RFX2: variants seen among roughly 807,000 people sequenced by gnomAD.
The protein encoded by RFX2 is regulatory factor X2.
A neutral mutation model predicts 87.8 loss-of-function variants in RFX2; 20 were observed. The observed-to-expected ratio is 0.23, with a 90% CI of 0.16 to 0.33. The LOEUF (loss-of-function observed/expected upper bound fraction) is 0.33, where lower values mean the gene tolerates loss of function less well. RFX2 is among the 10% of genes least tolerant of loss of function. RFX2 has a pLI of 1.00. For synonymous variants in RFX2, 397 were observed against 431.3 expected (o/e 0.92, Z 0.98); for missense variants, 767 against 1,012.3 (o/e 0.76, Z 3.29).
chr19:6,042,594 A>T (rs1296067187), intron 3 of RFX2, among the ~76,000 whole-genome samples: 1 of 152,078 alleles, frequency 6.6e-6, no homozygotes, highest in Non-Finnish European at 1.5e-5. Context: ...GGCTGAGCAG[A>T]TTAGACTCTA....
At position 5,998,908 on chromosome 19, in the gene RFX2, A is replaced by G. The variant is rs2086454701; in HGVS notation, c.1860-1695T>C. ...ACCATTTTCTAGTGGGTGCTACAGA[A>G]ATAAATCCCGTAAACCTAATTTTTA... On this transcript the variant is annotated intron_variant, in intron 15 of 17. Transcript: ENST00000303657. The surrounding 1 kb of genome is among the most constrained non-coding windows in gnomAD (Gnocchi z 4.2). Among the ~76,000 whole-genome samples, 1 of 152,206 alleles carries G rather than the reference A, an allele frequency of 6.6e-6. No individual in the cohort carries two copies. The highest frequency in any genetic ancestry group is 1.9e-4 in the East Asian group (1 of 5,200).
chr19:6,096,767 T>C (rs1422638358), intron 1 of RFX2, among the ~76,000 whole-genome samples: 1 of 152,226 alleles, frequency 6.6e-6, no homozygotes, highest in Non-Finnish European at 1.5e-5. Context: ...AATTTAATCA[T>C]GTTGCATTAA....
At position 5,998,110 on chromosome 19, in the gene RFX2, C is replaced by A. The variant is rs1311399354; in HGVS notation, c.1860-897G>T. Among the ~76,000 whole-genome samples, 1 of 152,124 alleles carries A rather than the reference C, an allele frequency of 6.6e-6. No homozygotes were observed. Among genetic ancestry groups the A allele is most frequent in the Admixed American group, 6.5e-5 (1 of 15,272 alleles). On this transcript the variant is annotated intron_variant, in intron 15 of 17. Coordinates refer to ENST00000303657, the MANE Select transcript of RFX2 (RefSeq NM_000635.4). The surrounding 1 kb of genome is among the most constrained non-coding windows in gnomAD (Gnocchi z 4.2). ...ATCACTTGGGGTCAGGAGTTCTAGA[C>A]CAGCCTGGCCAACATGGTGAAACGC...
rs1345820270 is a variant in RFX2 at position 6,027,363 on chromosome 19, G to A, written c.523-1126C>T. The A allele has an allele frequency of 6.6e-6, 1 of 152,250 alleles. No homozygotes were observed. The highest frequency in any genetic ancestry group is 1.5e-5 in the Non-Finnish European group (1 of 68,078). The allele number at this position is 152,250 out of a possible 1,614,324, so 9.4% of individuals were successfully genotyped here. ...TAAGAAGTGCAGAAGGTACACTGGA[G>A]GACCAGGGGAAAGTAGGATGGTGAG... On this transcript the variant is annotated intron_variant, in intron 5 of 17. Transcript: ENST00000303657. This position sits in a 1 kb window ranked among gnomAD's most constrained non-coding sequence, Gnocchi z 5.0.
In RFX2 at chr19:6,008,152, A is replaced by C; in HGVS notation, c.1088T>G (p.Leu363Arg). 1 of 1,556,210 alleles carries C rather than the reference A, an allele frequency of 6.4e-7. No homozygotes were observed. Among genetic ancestry groups the C allele is most frequent in the Non-Finnish European group, 8.7e-7 (1 of 1,148,656 alleles). The change falls in exon 10 of 18, where the codon CTG becomes CGG. Residue 363 changes from leucine (L) to arginine (R), a missense_variant. Transcript: ENST00000303657. ...CAGCTGCAGGGCCTTGACGTCGTGC[A>C]GTGTGACGCCGTCCTGCAGCAGGAA... ...GSFLLQDGVTLHDVKALQLVY... is the reference protein window; with the variant it reads ...GSFLLQDGVTRHDVKALQLVY...
intron 1 of RFX2, among the ~76,000 whole-genome samples, chr19:6,084,028 C>T (rs2087821247): frequency 6.6e-6 from 1 of 152,120 alleles, no homozygotes; most frequent in Admixed American, 6.6e-5. Flanking sequence ...GAATTCTCGG[C>T]AGAGAAGACC....
intron 1 of RFX2, among the ~76,000 whole-genome samples, chr19:6,080,685 G>A (rs369055079): frequency 2.8e-4 from 43 of 152,110 alleles, no homozygotes; most frequent in African/African-American, 1.0e-3. Flanking sequence ...AGGAATAGCT[G>A]TGCAAAGGTC....
At chr19:6,071,799 TAGAA>T (rs2087610379) in intron 1 of RFX2, among the ~76,000 whole-genome samples, 1 of 152,262 alleles carries the variant, frequency 6.6e-6, no homozygotes, top group African/African-American at 2.4e-5. Flanking sequence ...AATTCTGTTT[TAGAA>T]AGGCAATTTA....
At chr19:6,015,375 G>A (rs988031367) in intron 7 of RFX2, among the ~76,000 whole-genome samples, 1 of 151,974 alleles carries the variant, frequency 6.6e-6, no homozygotes, top group Admixed American at 6.5e-5. Context: ...GCTGCAGTGA[G>A]CCGAGATGAC....
chr19:6,006,460 A>ATTTT (rs35404707), intron 12 of RFX2, among the ~76,000 whole-genome samples: 4 of 108,552 alleles, frequency 3.7e-5, no homozygotes, highest in East Asian at 2.5e-4. Flanking sequence ...TGCCCAGCTC[A>ATTTT]TTTTTTTTTT....
At position 6,001,692 on chromosome 19, in the gene RFX2, C is replaced by G. The variant is rs1387104705; in HGVS notation, c.1859+123G>C. 2.4e-6 allele frequency: 2 copies of G among 825,026 alleles called. No individual in the cohort carries two copies. The highest frequency in any genetic ancestry group is 3.7e-6 in the Non-Finnish European group (2 of 546,426). The allele number at this position is 825,026 out of a possible 1,614,324, so 51.1% of individuals were successfully genotyped here. ...TAGTTGTTTTTTGCGGGTTCAGACA[C>G]TGCTGCAACTCTGCTGAGCCCTGTT... is the stretch of plus-strand genomic sequence containing the variant. On this transcript the variant is annotated intron_variant, in intron 15 of 17. Coordinates refer to ENST00000303657, the MANE Select transcript of RFX2 (RefSeq NM_000635.4). The surrounding 1 kb of genome is among the most constrained non-coding windows in gnomAD (Gnocchi z 5.6).
rs2087842589 is a variant in RFX2 at position 6,085,365 on chromosome 19, A to G, written c.-9+25028T>C. Reference sequence around the variant, plus strand: ...TTAGGGTTTTGATTTGCATTTCTGCAATGATAACTGGTATGAAGCACCTTT... The same window carrying G: ...TTAGGGTTTTGATTTGCATTTCTGCGATGATAACTGGTATGAAGCACCTTT... On this transcript the variant is annotated intron_variant, in intron 1 of 17. Transcript: ENST00000303657. Among the ~76,000 whole-genome samples the G allele has an allele frequency of 2.0e-5, 3 of 152,256 alleles. No homozygotes were observed. The South Asian group carries it at 6.2e-4, about 31-fold the overall frequency.
chr19:6,107,616 CAAAA>C (rs1156483792), intron 1 of RFX2, among the ~76,000 whole-genome samples: 11 of 31,554 alleles, frequency 3.5e-4, no homozygotes, highest in African/African-American at 1.1e-3. Context: ...GACCCTGTCT[CAAAA>C]AAAAAAAAAA....
Position 6,007,640 on chromosome 19 carries a change from G to A in RFX2, c.1247+50C>T, listed in dbSNP as rs761265141. 2.1e-5 allele frequency: 23 copies of A among 1,120,082 alleles called. No homozygotes were observed. In the South Asian group the frequency reaches 3.1e-4, roughly 15 times the overall value. 69.4% of individuals were successfully genotyped at this position (1,120,082 alleles called of 1,614,324 possible). ...TGTGGGTTACCTGTGGACGTCAGCA[G>A]GGGGTTAAGTCTGGGGTGGCTGTGA... On this transcript the variant is annotated intron_variant, in intron 11 of 17. Transcript: ENST00000303657. This position sits in a 1 kb window ranked among gnomAD's most constrained non-coding sequence, Gnocchi z 8.2.
intron 1 of RFX2, among the ~76,000 whole-genome samples, chr19:6,098,518 G>C (rs1212812391): frequency 6.6e-6 from 1 of 152,112 alleles, no homozygotes; most frequent in East Asian, 1.9e-4. Flanking sequence ...GCACATTCCA[G>C]GACCACCAAT....
chr19:6,069,754 G>A (rs1362161116), intron 1 of RFX2, among the ~76,000 whole-genome samples: 2 of 152,228 alleles, frequency 1.3e-5, no homozygotes, highest in African/African-American at 4.8e-5. Flanking sequence ...AAGCCACAGA[G>A]GTTGGAGCAG....
intron 1 of RFX2, among the ~76,000 whole-genome samples, chr19:6,095,162 T>C (rs1055889219): frequency 2.0e-5 from 3 of 152,058 alleles, no homozygotes; most frequent in Non-Finnish European, 2.9e-5. Flanking sequence ...TACTAGAAAA[T>C]TGCAAATTTC....
Position 6,019,544 on chromosome 19 carries a change from G to GTGTGTGTATA in RFX2, c.598-3274_598-3273insTATACACACA, listed in dbSNP as rs386388444. 3.2e-3 allele frequency among the ~76,000 whole-genome samples: 463 copies of GTGTGTGTATA among 143,150 alleles called. 8 individuals are homozygous for GTGTGTGTATA. Among genetic ancestry groups the GTGTGTGTATA allele is most frequent in the African/African-American group, 0.012 (435 of 36,936 alleles). The allele number at this position is 143,150 out of a possible 152,430, so 93.9% of individuals were successfully genotyped here. On this transcript the variant is annotated intron_variant, in intron 6 of 17. Coordinates refer to ENST00000303657, the MANE Select transcript of RFX2 (RefSeq NM_000635.4). ...TGTGTGTGTGTGTGTGTGTGTGTGTGTATATACTTTTATATACTTTTTTTT... is the reference window on the plus strand; with the variant it reads ...TGTGTGTGTGTGTGTGTGTGTGTGTGTGTGTGTATATATATACTTTTATATACTTTTTTTT...
At chr19:6,046,605 C>CT (rs55854937) in intron 2 of RFX2, among the ~76,000 whole-genome samples, 12,039 of 90,520 alleles carry the variant, frequency 0.13, 1,981 homozygotes, top group Non-Finnish European at 0.19. Flanking sequence ...GCCTTTTTGC[C>CT]TTTTTTTTTT....
Sources: gnomAD v4.1 joint callset for allele counts (sites outside exome capture counted in the v4.1 genomes callset) on GRCh38, gnomAD v4.1.1 for gene constraint, Gnocchi (gnomAD v3.1) non-coding constraint, MANE v1.5 for transcripts, NCBI Gene and HGNC (gene_info 2026-07-23, HGNC 2026-07-21) for gene names.